TSPAN3: variants seen among roughly 807,000 people sequenced by gnomAD.
TSPAN3 encodes tetraspanin 3.
A neutral mutation model predicts 31.1 loss-of-function variants in TSPAN3; 9 were observed. The ratio of observed to expected loss-of-function variants is 0.29; its 90% CI spans 0.17 to 0.50. The LOEUF (loss-of-function observed/expected upper bound fraction) is 0.50. Ranked by LOEUF, TSPAN3 falls within the 20% of genes least tolerant of loss-of-function variation. The pLI is 0.98. For synonymous variants in TSPAN3, 129 were observed against 114.3 expected (o/e 1.13, Z -0.82); for missense variants, 252 against 313.5 (o/e 0.80, Z 1.48).
rs1427438778 is a variant in TSPAN3 at position 77,041,739 on chromosome 15, G to C, written c.*5096C>G. On this transcript the variant is annotated 3_prime_UTR_variant, in exon 7 of 7. Transcript: ENST00000267970. The stretch of plus-strand genomic sequence containing the variant: ...CAACTAACAAGAATCCACCCTTGGA[G>C]TTCATGTAAAAATACATGACACAGG... 1 of 152,078 alleles carries C rather than the reference G, an allele frequency of 6.6e-6. No homozygotes were observed. The highest frequency in any genetic ancestry group is 1.5e-5 in the Non-Finnish European group (1 of 68,026). 9.4% of individuals were successfully genotyped at this position (152,078 alleles called of 1,614,324 possible).
Position 77,046,081 on chromosome 15 carries a change from T to C in TSPAN3, c.*754A>G. 4.3e-6 allele frequency: 1 copy of C among 232,028 alleles called. No individual in the cohort carries two copies. Among genetic ancestry groups the C allele is most frequent in the Non-Finnish European group, 8.3e-6 (1 of 120,530 alleles). 14.4% of individuals were successfully genotyped at this position (232,028 alleles called of 1,614,324 possible). Reference sequence around the variant, plus strand: ...TAGATTTTTCTATTTACAACTGAGATCACATCTACATACTATTTTGCTAGT... The same window carrying C: ...TAGATTTTTCTATTTACAACTGAGACCACATCTACATACTATTTTGCTAGT... On this transcript the variant is annotated 3_prime_UTR_variant, in exon 7 of 7. Transcript: ENST00000267970.
chr15:77,053,192 C>T (rs2076743027), intron 4 of TSPAN3, among the ~76,000 whole-genome samples: 1 of 151,792 alleles, frequency 6.6e-6, no homozygotes, highest in African/African-American at 2.4e-5. Context: ...TCCAGAATCT[C>T]CATATGAAAA....
chr15:77,058,379 T>C (rs932181928), intron 1 of TSPAN3, among the ~76,000 whole-genome samples: 1 of 152,206 alleles, frequency 6.6e-6, no homozygotes, highest in Non-Finnish European at 1.5e-5. Flanking sequence ...TCTCACTTCT[T>C]TGCCTCCGCT....
At chr15:77,057,920 A>G (rs190354668) in intron 1 of TSPAN3, among the ~76,000 whole-genome samples, 3 of 152,302 alleles carry the variant, frequency 2.0e-5, no homozygotes, top group Admixed American at 6.5e-5. Context: ...CTTCCTGCCC[A>G]GCCCATCTAA....
In TSPAN3 at chr15:77,052,855, A is replaced by G. The variant is rs1568540285; in HGVS notation, c.507T>C (p.Ser169=). Residue 169 remains serine (S), a synonymous_variant, in exon 5 of 7, where the codon AGT becomes AGC. Coordinates refer to ENST00000267970, the MANE Select transcript of TSPAN3 (RefSeq NM_005724.6). ...TCTCTCTGCAGCAGCTAAGAGGGAC[A>G]CTCTGGTTTTTGGTTTCTTTGAACC... The part of the protein sequence containing the change: ...TDWFKETKNQ[S]VPLSCCRETA... 2 of 1,613,964 alleles carry G rather than the reference A, an allele frequency of 1.2e-6. No homozygotes were observed. Among genetic ancestry groups the G allele is most frequent in the African/African-American group, 1.3e-5 (1 of 74,902 alleles).
intron 1 of TSPAN3, chr15:77,067,741 C>T (rs968496532): frequency 6.6e-6 from 1 of 152,206 alleles, no homozygotes; most frequent in African/African-American, 2.4e-5. Context: ...TGTACTTCCT[C>T]ATAATGACTT....
chr15:77,051,525 T>C (rs1227742560), intron 6 of TSPAN3, among the ~76,000 whole-genome samples: 1 of 142,924 alleles, frequency 7.0e-6, no homozygotes, highest in Non-Finnish European at 1.5e-5. Context: ...CAAAACTCTG[T>C]CGTAAAAAAA....
At chr15:77,049,911 C>A (rs2076718894) in intron 6 of TSPAN3, among the ~76,000 whole-genome samples, 1 of 152,206 alleles carries the variant, frequency 6.6e-6, no homozygotes, top group Non-Finnish European at 1.5e-5. Context: ...GGAATTTAAT[C>A]TTCTGCAAAT....
Position 77,044,147 on chromosome 15 carries a change from GGACACACCCTAGA to G in TSPAN3, c.*2675_*2687del, listed in dbSNP as rs1460842955. On this transcript the variant is annotated 3_prime_UTR_variant, in exon 7 of 7. Transcript: ENST00000267970. ...TGGTCCTCAACCAGGGCTGTGTCCTGGACACACCCTAGAGCACCTTAGATGCTCTGGGACCCAG... is the reference window on the plus strand; with the variant it reads ...TGGTCCTCAACCAGGGCTGTGTCCTGGCACCTTAGATGCTCTGGGACCCAG... The G allele has an allele frequency of 6.6e-6, 1 of 152,288 alleles. No homozygotes were observed. The highest frequency in any genetic ancestry group is 1.9e-4 in the East Asian group (1 of 5,180). The allele number at this position is 152,288 out of a possible 1,614,324, so 9.4% of individuals were successfully genotyped here.
rs539999250 is a variant in TSPAN3 at position 77,055,819 on chromosome 15, T to A, written c.300A>T (p.Val100=). The A allele has an allele frequency of 9.3e-6, 15 of 1,611,678 alleles. No individual in the cohort carries two copies. In the East Asian group the frequency reaches 2.0e-4, roughly 22 times the overall value. Reference sequence around the variant, plus strand: ...CTCTGTAAACATATCCCAAAACCACTACAACAACTTCTGTGACAAAAACCA... The same window carrying A: ...CTCTGTAAACATATCCCAAAACCACAACAACAACTTCTGTGACAAAAACCA... ...LLLVFVTEVV[V]VVLGYVYRAK... The change falls in exon 3 of 7, where the codon GTA becomes GTT. Residue 100 remains valine, a synonymous_variant. Transcript: ENST00000267970.
At chr15:77,066,992 C>A (rs537336310) in intron 1 of TSPAN3, among the ~76,000 whole-genome samples, 1 of 152,044 alleles carries the variant, frequency 6.6e-6, no homozygotes, top group African/African-American at 2.4e-5. Context: ...TGCTGGCTCA[C>A]GTCTCTCTGC....
chr15:77,070,788 C>G (rs774521595), intron 1 of TSPAN3, 104 bp downstream of exon 1: 1 of 571,950 alleles, frequency 1.7e-6, no homozygotes, highest in Non-Finnish European at 2.2e-6. Flanking sequence ...CCGCGCGCGG[C>G]CCCCGCGCGC....
intron 1 of TSPAN3, among the ~76,000 whole-genome samples, chr15:77,060,956 AAATT>A (rs2076796914): frequency 6.6e-6 from 1 of 152,116 alleles, no homozygotes. Context: ...CCTATACTCT[AAATT>A]AAGTCACAAC....
intron 1 of TSPAN3, among the ~76,000 whole-genome samples, chr15:77,061,018 AAAAT>A (rs2076797221): frequency 6.6e-6 from 1 of 152,254 alleles, no homozygotes; most frequent in Non-Finnish European, 1.5e-5. Flanking sequence ...AGCTGTCTAA[AAAAT>A]AAAGCCATCT....
At chr15:77,053,499 A>AAAAT (rs2076746788) in intron 4 of TSPAN3, among the ~76,000 whole-genome samples, 1 of 144,210 alleles carries the variant, frequency 6.9e-6, no homozygotes, top group Non-Finnish European at 1.5e-5. Context: ...AAAAAAGAAA[A>AAAAT]GAAAAGTACA....
At chr15:77,053,779 CT>C (rs879353380) in intron 4 of TSPAN3, among the ~76,000 whole-genome samples, 2 of 151,812 alleles carry the variant, frequency 1.3e-5, no homozygotes, top group African/African-American at 2.4e-5. Flanking sequence ...TCCATAACAA[CT>C]TTTTTTTGAC....
In TSPAN3 at chr15:77,070,025, T is replaced by G. The variant is rs535583497; in HGVS notation, c.63+867A>C. On this transcript the variant is annotated intron_variant, in intron 1 of 6. Coordinates refer to ENST00000267970, the MANE Select transcript of TSPAN3 (RefSeq NM_005724.6). ...AAGTGATGTGATAGAGGAAACGTTT[T>G]AAAAGATTTATCCGGGTGCAAAGTC... 6 of 152,320 alleles carry G rather than the reference T, an allele frequency of 3.9e-5. No individual in the cohort carries two copies. The South Asian group carries it at 1.2e-3, about 32-fold the overall frequency. 9.4% of individuals were successfully genotyped at this position (152,320 alleles called of 1,614,324 possible).
Position 77,070,850 on chromosome 15 carries a change from C to G in TSPAN3, c.63+42G>C, listed in dbSNP as rs948741288. On this transcript the variant is annotated intron_variant, in intron 1 of 6. Transcript: ENST00000267970. ...CGGGCGCCTCCGCCGCGGCCTCGCC[C>G]GGCCCCGCCGCCGGCCCCTCGCTCT... 5 of 1,226,310 alleles carry G rather than the reference C, an allele frequency of 4.1e-6. No individual in the cohort carries two copies. The African/African-American group carries it at 6.5e-5, about 16-fold the overall frequency. 76.0% of individuals were successfully genotyped at this position (1,226,310 alleles called of 1,614,324 possible).
At chr15:77,070,733 G>C (rs1306359523) in intron 1 of TSPAN3, among the ~76,000 whole-genome samples, 159 bp downstream of exon 1, 1 of 150,916 alleles carries the variant, frequency 6.6e-6, no homozygotes, top group Non-Finnish European at 1.5e-5. Context: ...ACCTCGCGAA[G>C]CGGCCTCACA....
Sources: gnomAD v4.1 joint callset for allele counts (sites outside exome capture counted in the v4.1 genomes callset) on GRCh38, gnomAD v4.1.1 for gene constraint, MANE v1.5 for transcripts, NCBI Gene and HGNC (gene_info 2026-07-23, HGNC 2026-07-21) for gene names.